TRPM3: variants seen among roughly 807,000 people sequenced by gnomAD.
TRPM3 encodes the protein transient receptor potential cation channel subfamily M member 3.
In TRPM3, 77 loss-of-function variants were observed where a neutral mutation model predicts 181.2. That is an observed-to-expected ratio of 0.42 (90% CI 0.35 to 0.51). The LOEUF (loss-of-function observed/expected upper bound fraction) is 0.51. Ranked by LOEUF, TRPM3 falls within the 20% of genes least tolerant of loss-of-function variation. The pLI is 0.01. For missense variants in TRPM3, 1,759 were observed against 2,196.7 expected (o/e 0.80, Z 3.98); for synonymous variants, 745 against 796.4 (o/e 0.94, Z 1.09).
chr9:70,755,023 A>G (rs116756992), intron 8 of TRPM3, among the ~76,000 whole-genome samples: 2 of 152,188 alleles, frequency 1.3e-5, no homozygotes, highest in Non-Finnish European at 2.9e-5. Context: ...GTCCATGTAC[A>G]TAAGTAGTCC....
intron 1 of TRPM3, among the ~76,000 whole-genome samples, chr9:71,379,208 T>C (rs149870964): frequency 0.014 from 2,091 of 151,234 alleles, 48 homozygotes; most frequent in African/African-American, 0.048. Context: ...TTAATCTATC[T>C]TTATGATGTG....
chr9:71,215,768 T>C (rs1377976703), intron 1 of TRPM3, among the ~76,000 whole-genome samples: 1 of 152,240 alleles, frequency 6.6e-6, no homozygotes, highest in African/African-American at 2.4e-5. Context: ...GTAAGGCACT[T>C]GCTCATTTAC....
chr9:70,654,669 T>C (rs2060033825), intron 9 of TRPM3, among the ~76,000 whole-genome samples: 1 of 149,564 alleles, frequency 6.7e-6, no homozygotes, highest in African/African-American at 2.5e-5. Context: ...GAATGACCCC[T>C]TTTTAAGCAC....
intron 1 of TRPM3, among the ~76,000 whole-genome samples, chr9:71,180,313 C>T (rs1352655305): frequency 3.3e-5 from 5 of 152,066 alleles, no homozygotes; most frequent in Non-Finnish European, 5.9e-5. Flanking sequence ...CCTTGGCCTC[C>T]CAAAGGGCTG....
chr9:71,179,499 A>C (rs1313792569), intron 1 of TRPM3, among the ~76,000 whole-genome samples: 1 of 152,158 alleles, frequency 6.6e-6, no homozygotes, highest in Non-Finnish European at 1.5e-5. Flanking sequence ...AATGCATACT[A>C]TGTAAAATAA....
chr9:71,362,117 C>T (rs1038852716), intron 1 of TRPM3, among the ~76,000 whole-genome samples: 5 of 152,140 alleles, frequency 3.3e-5, no homozygotes, highest in African/African-American at 7.2e-5. Flanking sequence ...CTAATCATGC[C>T]CACAGATAAG....
intron 1 of TRPM3, among the ~76,000 whole-genome samples, chr9:71,279,144 G>T (rs1156494811): frequency 6.6e-6 from 1 of 151,654 alleles, no homozygotes; most frequent in South Asian, 2.1e-4. Flanking sequence ...GAAATGAAAG[G>T]AATTTGATTT....
At position 70,531,409 on chromosome 9, in the gene TRPM3, G is replaced by A. The variant is rs867350926; in HGVS notation, c.*4544C>T. 9 of 152,080 alleles carry A rather than the reference G, an allele frequency of 5.9e-5. No individual in the cohort carries two copies. Among genetic ancestry groups the A allele is most frequent in the African/African-American group, 1.7e-4 (7 of 41,404 alleles). The allele number at this position is 152,080 out of a possible 1,614,324, so 9.4% of individuals were successfully genotyped here. On this transcript the variant is annotated 3_prime_UTR_variant, in exon 26 of 26. Transcript: ENST00000677713. Reference sequence around the variant, plus strand: ...GAGTGAATTCTTAACTGGCTTAAGCGTCACAGCAGGCAATAGTAAAATGTT... The same window carrying A: ...GAGTGAATTCTTAACTGGCTTAAGCATCACAGCAGGCAATAGTAAAATGTT...
chr9:71,164,113 G>A (rs1326937344), intron 1 of TRPM3, among the ~76,000 whole-genome samples: 1 of 152,172 alleles, frequency 6.6e-6, no homozygotes, highest in Non-Finnish European at 1.5e-5. Context: ...AATTAAGAAG[G>A]CAGGAGCCAA....
chr9:71,342,271 A>ATAT (rs1406294825), intron 1 of TRPM3, among the ~76,000 whole-genome samples: 2 of 124,922 alleles, frequency 1.6e-5, no homozygotes, highest in Admixed American at 8.1e-5. Flanking sequence ...TATATATATA[A>ATAT]ATAAATATAT....
At chr9:70,686,699 T>TTGAAAC (rs2066947113) in intron 8 of TRPM3, among the ~76,000 whole-genome samples, 1 of 78,690 alleles carries the variant, frequency 1.3e-5, no homozygotes. Context: ...CCTTCCTTCC[T>TTGAAAC]TCCTTCCTTC....
intron 1 of TRPM3, among the ~76,000 whole-genome samples, chr9:71,032,552 A>C (rs2057667063): frequency 6.6e-6 from 1 of 152,062 alleles, no homozygotes; most frequent in South Asian, 2.1e-4. Flanking sequence ...GAGGTATTTC[A>C]TTTCTTAATA....
intron 1 of TRPM3, among the ~76,000 whole-genome samples, chr9:71,350,437 A>C (rs1323011396): frequency 1.3e-5 from 2 of 152,166 alleles, no homozygotes; most frequent in African/African-American, 2.4e-5. Flanking sequence ...AAAAATCTCT[A>C]GTTGTCGTCT....
intron 1 of TRPM3, among the ~76,000 whole-genome samples, chr9:71,029,294 T>C (rs1477494401): frequency 2.0e-5 from 3 of 152,066 alleles, no homozygotes; most frequent in Admixed American, 1.3e-4. Flanking sequence ...GATAAAGAAC[T>C]CTTAACCTGT....
intron 1 of TRPM3, among the ~76,000 whole-genome samples, chr9:70,897,525 C>T (rs2993014): frequency 0.035 from 5,303 of 152,066 alleles, 340 homozygotes; most frequent in African/African-American, 0.12. Flanking sequence ...CCCAACAATT[C>T]TGTTTGGAGG....
At position 70,837,735 on chromosome 9, in the gene TRPM3, T is replaced by C. The variant is rs146369265; in HGVS notation, c.801+5268A>G. ...CTGGTGATACTTTCAGAATCCTCTA[T>C]CCAGGTCAAGATTCTCTAGGGACAA... On this transcript the variant is annotated intron_variant, in intron 5 of 25. Transcript: ENST00000677713. Among the ~76,000 whole-genome samples the C allele has an allele frequency of 2.0e-4, 31 of 152,310 alleles. No homozygotes were observed. In the East Asian group the frequency reaches 5.6e-3, roughly 27 times the overall value.
At chr9:71,327,240 T>C (rs1224330954) in intron 1 of TRPM3, among the ~76,000 whole-genome samples, 3 of 152,236 alleles carry the variant, frequency 2.0e-5, no homozygotes, top group East Asian at 1.9e-4. Context: ...TCAAATGTTA[T>C]GGGGAGCAAA....
intron 1 of TRPM3, among the ~76,000 whole-genome samples, chr9:71,343,357 C>G (rs1393363892): frequency 6.6e-6 from 1 of 152,146 alleles, no homozygotes; most frequent in East Asian, 1.9e-4. Flanking sequence ...GACAATACAA[C>G]TTCACTATCA....
chr9:71,331,312 T>C (rs1323445585), intron 1 of TRPM3, among the ~76,000 whole-genome samples: 2 of 151,904 alleles, frequency 1.3e-5, no homozygotes, highest in African/African-American at 4.8e-5. Context: ...CTTTCACTAA[T>C]GTTCAAATAA....
Sources: gnomAD v4.1 joint callset for allele counts (sites outside exome capture counted in the v4.1 genomes callset) on GRCh38, gnomAD v4.1.1 for gene constraint, MANE v1.5 for transcripts, NCBI Gene and HGNC (gene_info 2026-07-23, HGNC 2026-07-21) for gene names.